LDLRAD4: variants seen among roughly 807,000 people sequenced by gnomAD.
The protein encoded by LDLRAD4 is low-density lipoprotein receptor class A domain-containing protein 4.
A neutral mutation model predicts 17.0 loss-of-function variants in LDLRAD4; 5 were observed. The observed-to-expected ratio is 0.29, with a 90% CI of 0.15 to 0.62. The LOEUF (loss-of-function observed/expected upper bound fraction) is 0.62, where lower values mean the gene tolerates loss of function less well. Among genes scored for constraint, LDLRAD4 ranks in the 20% least tolerant of loss-of-function variants. The pLI is 0.84. For synonymous variants in LDLRAD4, 168 were observed against 171.8 expected, an observed-to-expected ratio of 0.98 and a Z score of 0.17; for missense variants, 340 against 424.7, an observed-to-expected ratio of 0.80 and a Z score of 1.75.
intron 3 of LDLRAD4, among the ~76,000 whole-genome samples, chr18:13,527,068 C>T (rs987158769): frequency 3.3e-4 from 50 of 152,226 alleles, no homozygotes; most frequent in African/African-American, 8.9e-4. Context: ...TGGCAGAGAA[C>T]GTTGGGCAGT....
chr18:13,282,555 T>G (rs1406874726), intron 1 of LDLRAD4, among the ~76,000 whole-genome samples: 1 of 152,218 alleles, frequency 6.6e-6, no homozygotes, highest in Non-Finnish European at 1.5e-5. Context: ...ATGATCTCCT[T>G]TGATCCCAGG....
chr18:13,325,280 C>T (rs2143521291), intron 1 of LDLRAD4, among the ~76,000 whole-genome samples: 1 of 152,348 alleles, frequency 6.6e-6, no homozygotes, highest in African/African-American at 2.4e-5. Context: ...TGAAGTGACA[C>T]TTGCAGTCGT....
At chr18:13,627,563 G>C (rs929245591) in intron 4 of LDLRAD4, among the ~76,000 whole-genome samples, 5 of 152,214 alleles carry the variant, frequency 3.3e-5, no homozygotes, top group Admixed American at 1.3e-4. Flanking sequence ...GAGGGCCACT[G>C]GTTCCCAGAA....
intron 1 of LDLRAD4, among the ~76,000 whole-genome samples, chr18:13,270,893 A>G (rs187024874): frequency 1.3e-5 from 2 of 152,374 alleles, no homozygotes; most frequent in East Asian, 3.9e-4. Context: ...GTATTTAAAT[A>G]CCACAACCCA....
intron 1 of LDLRAD4, among the ~76,000 whole-genome samples, chr18:13,288,107 T>C (rs2045736274): frequency 6.6e-6 from 1 of 152,242 alleles, no homozygotes; most frequent in Admixed American, 6.5e-5. Context: ...CATTTTGAAC[T>C]GAGGATTTAC....
chr18:13,630,219 G>A (rs1407296030), intron 4 of LDLRAD4, among the ~76,000 whole-genome samples: 2 of 152,150 alleles, frequency 1.3e-5, no homozygotes, highest in Non-Finnish European at 2.9e-5. Context: ...CTTAAGGGAC[G>A]TGCCCTAGAT....
intron 3 of LDLRAD4, among the ~76,000 whole-genome samples, chr18:13,541,531 G>A (rs764911227): frequency 6.6e-6 from 1 of 152,220 alleles, no homozygotes; most frequent in Non-Finnish European, 1.5e-5. Context: ...TCCTTTGTGA[G>A]ACATGAGCAT....
intron 1 of LDLRAD4, among the ~76,000 whole-genome samples, chr18:13,247,959 C>CTTT (rs2043043031): frequency 4.9e-5 from 1 of 20,408 alleles, no homozygotes; most frequent in African/African-American, 1.7e-4. Context: ...CCGCCCCCCG[C>CTTT]CTTTTTTTTT....
intron 3 of LDLRAD4, among the ~76,000 whole-genome samples, chr18:13,523,528 A>G (rs12605810): frequency 0.49 from 75,239 of 152,134 alleles, 20,350 homozygotes; most frequent in East Asian, 0.68. Flanking sequence ...GCCTCAGGAG[A>G]GCCTGACCCA....
chr18:13,423,160 A>T (rs1264286763), intron 2 of LDLRAD4, among the ~76,000 whole-genome samples: 1 of 152,192 alleles, frequency 6.6e-6, no homozygotes, highest in Non-Finnish European at 1.5e-5. Flanking sequence ...TTGGCCTTTA[A>T]GGGAACAAGT....
intron 3 of LDLRAD4, among the ~76,000 whole-genome samples, chr18:13,547,562 G>A (rs1229696221): frequency 2.0e-5 from 3 of 152,212 alleles, no homozygotes; most frequent in Non-Finnish European, 2.9e-5. Context: ...GGCGAGCCAG[G>A]TGCAGAGTGG....
chr18:13,361,423 C>T (rs1016123609), intron 1 of LDLRAD4, among the ~76,000 whole-genome samples: 2 of 152,150 alleles, frequency 1.3e-5, no homozygotes, highest in African/African-American at 2.4e-5. Context: ...TATATCTTTC[C>T]TTATACTATA....
At chr18:13,277,094 G>C (rs1337718452), upstream of LDLRAD4, among the ~76,000 whole-genome samples, 1 of 152,170 alleles carries the variant, frequency 6.6e-6, no homozygotes, top group South Asian at 2.1e-4. Context: ...GTTTGGCTGG[G>C]GTAGAGCTCC....
intron 1 of LDLRAD4, among the ~76,000 whole-genome samples, chr18:13,350,221 G>T (rs1167934063): frequency 6.6e-6 from 1 of 152,116 alleles, no homozygotes; most frequent in Non-Finnish European, 1.5e-5. Context: ...CTTCCACAAT[G>T]GTCCAACTAA....
At chr18:13,633,504 G>A (rs953595379) in intron 4 of LDLRAD4, among the ~76,000 whole-genome samples, 1 of 152,196 alleles carries the variant, frequency 6.6e-6, no homozygotes, top group African/African-American at 2.4e-5. Context: ...CCCACCCTCA[G>A]CCCACCCCTG....
chr18:13,644,503 G>A (rs2042892779), intron 5 of LDLRAD4, among the ~76,000 whole-genome samples: 1 of 151,212 alleles, frequency 6.6e-6, no homozygotes, highest in Admixed American at 6.6e-5. Flanking sequence ...AGAAGGTTAA[G>A]GTTGCAATAA....
intron 3 of LDLRAD4, among the ~76,000 whole-genome samples, chr18:13,481,356 A>G (rs1213250276): frequency 6.6e-6 from 1 of 152,144 alleles, no homozygotes; most frequent in Non-Finnish European, 1.5e-5. Flanking sequence ...AACTTTGTGG[A>G]TGGCTTCCTC....
At chr18:13,578,822 C>T (rs1167371196) in intron 3 of LDLRAD4, among the ~76,000 whole-genome samples, 6 of 70,226 alleles carry the variant, frequency 8.5e-5, no homozygotes, top group Non-Finnish European at 1.8e-4. Flanking sequence ...AAAAGTTGTC[C>T]GGGTCTTTTT....
At chr18:13,377,303 C>G (rs1469296306) in intron 1 of LDLRAD4, among the ~76,000 whole-genome samples, 1 of 152,180 alleles carries the variant, frequency 6.6e-6, no homozygotes, top group Non-Finnish European at 1.5e-5. Flanking sequence ...GTTATTTCAC[C>G]AACATGAACT....
Sources: gnomAD v4.1 joint callset for allele counts (sites outside exome capture counted in the v4.1 genomes callset) on GRCh38, gnomAD v4.1.1 for gene constraint, MANE v1.5 for transcripts, NCBI Gene and HGNC (gene_info 2026-07-23, HGNC 2026-07-21) for gene names.